FOXO3: variants seen among roughly 807,000 people sequenced by gnomAD.
The protein encoded by FOXO3 is forkhead box O3.
A neutral mutation model predicts 41.9 loss-of-function variants in FOXO3; 4 were observed. That is an observed-to-expected ratio of 0.10 (90% CI 0.05 to 0.22). The LOEUF is 0.22. Among genes scored for constraint, FOXO3 ranks in the 10% least tolerant of loss-of-function variants. FOXO3 has a pLI of 1.00. For missense variants in FOXO3, 534 were observed against 906.8 expected (o/e 0.59, Z 5.28); for synonymous variants, 318 against 389.3 (o/e 0.82, Z 2.16).
chr6:108,595,774 A>G (rs1009723431), intron 1 of FOXO3, among the ~76,000 whole-genome samples: 2 of 152,140 alleles, frequency 1.3e-5, no homozygotes, highest in African/African-American at 4.8e-5. Flanking sequence ...TTTTGCACAC[A>G]ACATGAAATT....
chr6:108,601,022 T>C (rs536799386), intron 1 of FOXO3, among the ~76,000 whole-genome samples: 22 of 152,314 alleles, frequency 1.4e-4, no homozygotes, highest in Middle Eastern at 6.8e-3. Flanking sequence ...TGTCTTTTTT[T>C]TTTCTGACGG....
Position 108,561,055 on chromosome 6 carries a change from T to G in FOXO3, c.-154T>G, listed in dbSNP as rs1219446274. On this transcript the variant is annotated 5_prime_UTR_variant, in exon 1 of 3. Coordinates refer to ENST00000406360, the MANE Select transcript of FOXO3 (RefSeq NM_001455.4). ...GGGGCTCCGGCCCGGGATAACCAACTCTCCTTCTCTCTTCTTTGGTGCTTC... is the reference window on the plus strand; with the variant it reads ...GGGGCTCCGGCCCGGGATAACCAACGCTCCTTCTCTCTTCTTTGGTGCTTC... The G allele has an allele frequency of 1.7e-5, 24 of 1,409,024 alleles. No homozygotes were observed. In the East Asian group the frequency reaches 6.1e-4, roughly 36 times the overall value. 87.3% of individuals were successfully genotyped at this position (1,409,024 alleles called of 1,614,324 possible).
chr6:108,568,465 C>T (rs1562227206), intron 1 of FOXO3, among the ~76,000 whole-genome samples: 2 of 152,158 alleles, frequency 1.3e-5, no homozygotes, highest in Non-Finnish European at 2.9e-5. Context: ...TCAACGCCAC[C>T]TTACCCTGCC....
intron 1 of FOXO3, among the ~76,000 whole-genome samples, chr6:108,655,836 C>T (rs576239007): frequency 1.2e-4 from 18 of 152,316 alleles, no homozygotes; most frequent in African/African-American, 4.3e-4. Flanking sequence ...AAACCTTTGT[C>T]ATCTGTGGTT....
At chr6:108,608,342 C>T (rs1243734385) in intron 1 of FOXO3, among the ~76,000 whole-genome samples, 2 of 152,282 alleles carry the variant, frequency 1.3e-5, no homozygotes, top group East Asian at 3.9e-4. Flanking sequence ...TATCACTGGC[C>T]TATTTTCTGG....
chr6:108,650,087 T>TCTGG (rs1778506536), intron 1 of FOXO3, among the ~76,000 whole-genome samples: 1 of 152,158 alleles, frequency 6.6e-6, no homozygotes, highest in Non-Finnish European at 1.5e-5. Context: ...AGGACCAAGT[T>TCTGG]AAAGAGTTCC....
chr6:108,649,068 C>T (rs771032722), intron 1 of FOXO3, among the ~76,000 whole-genome samples: 45 of 149,740 alleles, frequency 3.0e-4, no homozygotes, highest in Non-Finnish European at 5.5e-4. Context: ...CCCTACCAGA[C>T]GCCAAACTCT....
chr6:108,671,322 T>C (rs922190774), intron 2 of FOXO3, among the ~76,000 whole-genome samples: 2 of 152,232 alleles, frequency 1.3e-5, no homozygotes, highest in African/African-American at 4.8e-5. Context: ...CGGTTGGACA[T>C]GAGCCGCCCA....
rs533958613 is a variant in FOXO3, at chr6:108,676,737, C to A, written c.*35-3090C>A. Among the ~76,000 whole-genome samples, 5 of 152,344 alleles carry A rather than the reference C, an allele frequency of 3.3e-5. No homozygotes were observed. In the South Asian group the frequency reaches 1.0e-3, roughly 32 times the overall value. On this transcript the variant is annotated intron_variant, in intron 2 of 2. Coordinates refer to ENST00000406360, the MANE Select transcript of FOXO3 (RefSeq NM_001455.4). Reference sequence around the variant, plus strand: ...CCAGCTCAGTAGCTGGGTTTCATCACTTAATATGCTCCCTCTACTCTTTCT... The same window carrying A: ...CCAGCTCAGTAGCTGGGTTTCATCAATTAATATGCTCCCTCTACTCTTTCT...
rs1778772441 is a variant in FOXO3, at chr6:108,659,101, T to C, written c.622-4354T>C. On this transcript the variant is annotated intron_variant, in intron 1 of 2. Coordinates refer to ENST00000406360, the MANE Select transcript of FOXO3 (RefSeq NM_001455.4). ...GGTTTTGCCATGTTGCCCAGGCTGG[T>C]CTTGAACTCCTGAGCTCAAGCGATC... 2.0e-5 allele frequency among the ~76,000 whole-genome samples: 3 copies of C among 152,052 alleles called. No homozygotes were observed. In the South Asian group the frequency reaches 6.2e-4, roughly 31 times the overall value.
intron 1 of FOXO3, chr6:108,656,640 CTTTA>C (rs977499802): frequency 2.5e-5 from 8 of 319,134 alleles, no homozygotes; most frequent in African/African-American, 1.6e-4. Flanking sequence ...GCATGCAGAG[CTTTA>C]TTTAATCTTC....
At chr6:108,606,921 C>T (rs561368621) in intron 1 of FOXO3, among the ~76,000 whole-genome samples, 1 of 152,284 alleles carries the variant, frequency 6.6e-6, no homozygotes, top group South Asian at 2.1e-4. Flanking sequence ...AATGCTTGTC[C>T]TGCCACCAGA....
intron 1 of FOXO3, among the ~76,000 whole-genome samples, chr6:108,609,870 CCTAGA>C (rs1343627902): frequency 2.0e-5 from 3 of 152,132 alleles, no homozygotes; most frequent in Non-Finnish European, 2.9e-5. Context: ...GCTCCTTTTG[CCTAGA>C]CTAGAGTTTT....
At chr6:108,673,892 A>G (rs145448022) in intron 2 of FOXO3, among the ~76,000 whole-genome samples, 272 of 152,282 alleles carry the variant, frequency 1.8e-3, no homozygotes, top group African/African-American at 6.4e-3. Context: ...ACAATTCCCT[A>G]TTGTTTTTAA....
At chr6:108,619,112 A>G (rs1777598768) in intron 1 of FOXO3, among the ~76,000 whole-genome samples, 1 of 152,234 alleles carries the variant, frequency 6.6e-6, no homozygotes, top group Non-Finnish European at 1.5e-5. Flanking sequence ...TTCCTCTATC[A>G]TAGATGGAAT....
intron 1 of FOXO3, among the ~76,000 whole-genome samples, chr6:108,582,112 A>T (rs970089132): frequency 1.3e-5 from 2 of 152,176 alleles, no homozygotes; most frequent in Non-Finnish European, 2.9e-5. Flanking sequence ...GGGACAACGT[A>T]TTTTTCCTGC....
chr6:108,592,362 G>A lies in FOXO3; in HGVS notation c.621+30533G>A, dbSNP rs116900160. On this transcript the variant is annotated intron_variant, in intron 1 of 2. Coordinates refer to ENST00000406360, the MANE Select transcript of FOXO3 (RefSeq NM_001455.4). Reference sequence around the variant, plus strand: ...GTTGGAATTTTTTGTGTAACTTAAGGCCAAATAGTCCATTTACGCCAGTTT... The same window carrying A: ...GTTGGAATTTTTTGTGTAACTTAAGACCAAATAGTCCATTTACGCCAGTTT... Among the ~76,000 whole-genome samples the A allele has an allele frequency of 4.0e-4, 61 of 152,238 alleles. 1 individual carries two copies. In the East Asian group the frequency reaches 9.7e-3, roughly 24 times the overall value.
rs1053665591 is a variant in FOXO3, at chr6:108,606,328, A to T, written c.621+44499A>T. ...ATCAGCCCCTTTGTTCACCCCATAG[A>T]CTGTACCCTTCCCAAGGGCGGTTTG... On this transcript the variant is annotated intron_variant, in intron 1 of 2. Coordinates refer to ENST00000406360, the MANE Select transcript of FOXO3 (RefSeq NM_001455.4). 3.9e-5 allele frequency among the ~76,000 whole-genome samples: 6 copies of T among 152,046 alleles called. 1 individual carries two copies. The highest frequency in any genetic ancestry group is 7.4e-5 in the Non-Finnish European group (5 of 68,002).
intron 1 of FOXO3, among the ~76,000 whole-genome samples, chr6:108,640,732 C>G (rs1778235457): frequency 6.6e-6 from 1 of 152,062 alleles, no homozygotes; most frequent in African/African-American, 2.4e-5. Flanking sequence ...ATAGTAATGC[C>G]TTCTGGGCAT....
Sources: allele counts gnomAD v4.1 joint callset (sites outside exome capture counted in the v4.1 genomes callset), GRCh38; gene constraint gnomAD v4.1.1; transcripts MANE v1.5; gene names NCBI Gene and HGNC (gene_info 2026-07-23, HGNC 2026-07-21).